Variants in TECRL observed in about 807,000 individuals in gnomAD.
The protein encoded by TECRL is trans-2,3-enoyl-CoA reductase like.
Under a neutral mutation model 52.8 loss-of-function variants are expected in TECRL, and 63 were observed. That is an observed-to-expected ratio of 1.19 (90% confidence interval 0.97 to 1.47). TECRL has a LOEUF of 1.47. TECRL is among the 40% of genes most tolerant of loss of function. The probability of loss-of-function intolerance (pLI) is 0.00; values close to 1 mark genes in which losing one functional copy is unlikely to be tolerated. For missense variants in TECRL, 482 were observed against 429.6 expected, an observed-to-expected ratio of 1.12 and a Z score of -1.08; for synonymous variants, 164 against 141.9, an observed-to-expected ratio of 1.16 and a Z score of -1.10.
At chr4:64,316,301 T>A (rs1415512934) in intron 4 of TECRL, among the ~76,000 whole-genome samples, 1 of 152,128 alleles carries the variant, frequency 6.6e-6, no homozygotes, top group Non-Finnish European at 1.5e-5. Context: ...CTTATCTCAA[T>A]CATCTCTCAA....
intron 2 of TECRL, among the ~76,000 whole-genome samples, chr4:64,361,171 T>C (rs4860596): frequency 0.9 from 136,709 of 152,110 alleles, 62,098 homozygotes; most frequent in East Asian, 1. Flanking sequence ...TTTCACCAGC[T>C]GACCCTGACT....
At chr4:64,371,648 A>T (rs948407858) in intron 2 of TECRL, among the ~76,000 whole-genome samples, 4 of 151,634 alleles carry the variant, frequency 2.6e-5, no homozygotes, top group African/African-American at 9.7e-5. Flanking sequence ...AGACTATAGG[A>T]ATTTTTCACT....
chr4:64,354,224 G>T (rs538419373), intron 2 of TECRL, among the ~76,000 whole-genome samples: 2 of 152,188 alleles, frequency 1.3e-5, no homozygotes. Flanking sequence ...TTTGATAAAA[G>T]AACAATTTGA....
intron 2 of TECRL, among the ~76,000 whole-genome samples, chr4:64,341,163 G>T (rs1317276519): frequency 6.6e-6 from 1 of 152,098 alleles, no homozygotes; most frequent in Non-Finnish European, 1.5e-5. Flanking sequence ...CTCCCTATAG[G>T]TTTTCTCTGA....
At chr4:64,289,445 T>C (rs1439638189) in intron 9 of TECRL, among the ~76,000 whole-genome samples, 2 of 152,198 alleles carry the variant, frequency 1.3e-5, no homozygotes, top group African/African-American at 2.4e-5. Context: ...TTAGTTCATT[T>C]ATTTACATAT....
At chr4:64,298,486 T>C (rs1723814978) in intron 8 of TECRL, among the ~76,000 whole-genome samples, 1 of 151,276 alleles carries the variant, frequency 6.6e-6, no homozygotes, top group Admixed American at 6.6e-5. Context: ...CTTAACATTT[T>C]ATGAAAAATA....
chr4:64,328,520 A>G lies in TECRL; in HGVS notation c.323T>C (p.Leu108Pro), dbSNP rs1577879377. ...KWYPSRVGLQ[L>P]ECGGPFLKDY... Reference sequence around the variant, plus strand: ...TGAAAAATGCTTCTTACCACATTCTAGCTGCAGACCAACTCGAGAAGGGTA... The same window carrying G: ...TGAAAAATGCTTCTTACCACATTCTGGCTGCAGACCAACTCGAGAAGGGTA... Residue 108 changes from leucine to proline, a missense_variant, in exon 3 of 12, where the codon CTA becomes CCA. Transcript: ENST00000381210. 3.1e-6 allele frequency: 5 copies of G among 1,611,558 alleles called. No homozygotes were observed. Among genetic ancestry groups the G allele is most frequent in the Non-Finnish European group, 4.2e-6 (5 of 1,178,378 alleles).
chr4:64,321,709 CTA>C (rs200378463), intron 4 of TECRL, among the ~76,000 whole-genome samples: 1,828 of 152,266 alleles, frequency 0.012, 32 homozygotes, highest in African/African-American at 0.042. Flanking sequence ...TCTTAACCCT[CTA>C]TGTCTTTTCA....
chr4:64,348,213 G>A (rs975592321), intron 2 of TECRL, among the ~76,000 whole-genome samples: 16 of 152,100 alleles, frequency 1.1e-4, no homozygotes, highest in Admixed American at 7.2e-4. Flanking sequence ...TAATCATGGC[G>A]GAAGGCAAAG....
intron 2 of TECRL, among the ~76,000 whole-genome samples, chr4:64,371,110 C>A (rs1721944173): frequency 6.6e-6 from 1 of 151,494 alleles, no homozygotes; most frequent in Non-Finnish European, 1.5e-5. Flanking sequence ...TGATGGATGG[C>A]TGTAGAAACT....
At chr4:64,364,573 T>G (rs371724387) in intron 2 of TECRL, among the ~76,000 whole-genome samples, 2 of 151,470 alleles carry the variant, frequency 1.3e-5, no homozygotes, top group East Asian at 3.9e-4. Flanking sequence ...ATGATATAGA[T>G]AACATTACCC....
At chr4:64,305,285 A>T (rs200212805) in intron 6 of TECRL, 47 bp from the exon 7 acceptor site, 22 of 1,528,694 alleles carry the variant, frequency 1.4e-5, no homozygotes, top group Non-Finnish European at 1.9e-5. Context: ...AATATGTAAT[A>T]TATATTTCAA....
At chr4:64,344,650 C>G (rs1358674302) in intron 2 of TECRL, among the ~76,000 whole-genome samples, 2 of 152,122 alleles carry the variant, frequency 1.3e-5, no homozygotes, top group Non-Finnish European at 2.9e-5. Flanking sequence ...TAAAACAAAG[C>G]TCCTATGTGA....
intron 2 of TECRL, among the ~76,000 whole-genome samples, chr4:64,349,888 G>T (rs966895290): frequency 6.6e-6 from 1 of 152,106 alleles, no homozygotes; most frequent in Non-Finnish European, 1.5e-5. Flanking sequence ...AAAACAAAAA[G>T]ACTACTTACC....
intron 1 of TECRL, among the ~76,000 whole-genome samples, chr4:64,387,226 G>A: frequency 6.6e-6 from 1 of 152,070 alleles, no homozygotes; most frequent in East Asian, 1.9e-4. Flanking sequence ...TTCCCTGAAT[G>A]TCTTTTCATG....
At chr4:64,384,427 G>C (rs1723031329) in intron 1 of TECRL, among the ~76,000 whole-genome samples, 1 of 152,086 alleles carries the variant, frequency 6.6e-6, no homozygotes, top group South Asian at 2.1e-4. Flanking sequence ...TGTTAACTGT[G>C]GTGGTGGCAG....
chr4:64,393,736 G>T (rs1479919007), intron 1 of TECRL, among the ~76,000 whole-genome samples: 1 of 151,392 alleles, frequency 6.6e-6, no homozygotes, highest in East Asian at 1.9e-4. Flanking sequence ...ATTGTATTTA[G>T]AAATTATAGA....
chr4:64,359,799 A>G (rs140078469), intron 2 of TECRL, among the ~76,000 whole-genome samples: 278 of 152,232 alleles, frequency 1.8e-3, no homozygotes, highest in African/African-American at 6.4e-3. Context: ...CTCACCATTT[A>G]TATGAGTATC....
At chr4:64,277,398 T>A (rs956722844), downstream of TECRL, among the ~76,000 whole-genome samples, 1 of 151,952 alleles carries the variant, frequency 6.6e-6, no homozygotes, top group African/African-American at 2.4e-5. Context: ...ATTTACTGCA[T>A]TGACATTTCT....
Sources: gnomAD v4.1 joint callset for allele counts (sites outside exome capture counted in the v4.1 genomes callset) on GRCh38, gnomAD v4.1.1 for gene constraint, MANE v1.5 for transcripts, NCBI Gene and HGNC (gene_info 2026-07-23, HGNC 2026-07-21) for gene names.